The following STX17 variants were observed in gnomAD, a reference collection of about 807,000 sequenced individuals.
STX17 encodes syntaxin-17.
A neutral mutation model predicts 35.9 loss-of-function variants in STX17; 29 were observed. That is an observed-to-expected ratio of 0.81 (90% CI 0.60 to 1.10). The LOEUF (loss-of-function observed/expected upper bound fraction) is 1.10. Among genes scored for constraint, STX17 ranks in the 50% least tolerant of loss-of-function variants. STX17 has a pLI of 0.00. For missense variants in STX17, 312 were observed against 352.3 expected, an observed-to-expected ratio of 0.89 and a Z score of 0.92; for synonymous variants, 92 against 118.3, an observed-to-expected ratio of 0.78 and a Z score of 1.44.
chr9:99,929,827 G>C (rs1016463033), intron 3 of STX17: 4 of 150,484 alleles, frequency 2.7e-5, no homozygotes, highest in African/African-American at 4.9e-5. Flanking sequence ...TAGTTGTCTG[G>C]CTTTCTGTGT....
At chr9:99,924,744 C>T (rs1044830247) in intron 2 of STX17, among the ~76,000 whole-genome samples, 5 of 152,140 alleles carry the variant, frequency 3.3e-5, no homozygotes, top group South Asian at 2.1e-4. Flanking sequence ...CCCACCCACC[C>T]TCTCTCCCTT....
At chr9:99,929,890 G>A (rs1018054910) in intron 3 of STX17, 22 of 146,306 alleles carry the variant, frequency 1.5e-4, no homozygotes, top group African/African-American at 5.2e-4. Context: ...CATGCTGTCA[G>A]TAATATTTCT....
intron 1 of STX17, among the ~76,000 whole-genome samples, chr9:99,910,165 G>A (rs960364389): frequency 1.4e-4 from 21 of 151,974 alleles, no homozygotes; most frequent in African/African-American, 1.9e-4. Flanking sequence ...CCTAAGGGGC[G>A]GAGGTTGCAG....
intron 1 of STX17, among the ~76,000 whole-genome samples, chr9:99,914,828 A>T (rs1373774098): frequency 6.6e-6 from 1 of 152,180 alleles, no homozygotes; most frequent in East Asian, 1.9e-4. Context: ...AGCTTTTTTA[A>T]AAGTATTTAT....
chr9:99,939,649 A>G (rs910374298), intron 3 of STX17, among the ~76,000 whole-genome samples: 1 of 152,094 alleles, frequency 6.6e-6, no homozygotes, highest in Non-Finnish European at 1.5e-5. Context: ...TCTTTTCCCA[A>G]TCTGTTCTTC....
intron 7 of STX17, 133 bp downstream of exon 7, chr9:99,967,872 AG>A: frequency 1.4e-6 from 1 of 713,088 alleles, no homozygotes; most frequent in South Asian, 1.7e-5. Context: ...AATGACACAT[AG>A]GTAGTGTAAG....
chr9:99,953,017 T>A lies in STX17; in HGVS notation c.415+1732T>A, dbSNP rs533494167. ...CATTGTGCACATGTACCCTAGAACT[T>A]AAAGTATAATAACAATAAAATAAAA... On this transcript the variant is annotated intron_variant, in intron 4 of 7. Transcript: ENST00000259400. Among the ~76,000 whole-genome samples the A allele has an allele frequency of 3.8e-4, 57 of 151,912 alleles. 1 individual carries two copies. The South Asian group carries it at 0.011, about 30-fold the overall frequency.
chr9:99,911,772 T>A (rs939491377), intron 1 of STX17, among the ~76,000 whole-genome samples: 1 of 152,138 alleles, frequency 6.6e-6, no homozygotes, highest in Non-Finnish European at 1.5e-5. Context: ...AAGAAGGATC[T>A]TGCTATGTTG....
intron 6 of STX17, 31 bp from the exon 7 acceptor site, chr9:99,967,622 G>T: frequency 6.2e-7 from 1 of 1,604,938 alleles, no homozygotes; most frequent in Non-Finnish European, 8.5e-7. Flanking sequence ...TCCCCAGCAG[G>T]ACCGCTCACT....
intron 2 of STX17, among the ~76,000 whole-genome samples, chr9:99,920,938 A>G (rs1046975641): frequency 2.6e-5 from 4 of 152,214 alleles, no homozygotes; most frequent in African/African-American, 9.6e-5. Flanking sequence ...TCCACTTGAA[A>G]TAGGAATCTC....
chr9:99,925,285 T>A (rs1000837253), intron 2 of STX17, among the ~76,000 whole-genome samples: 1 of 152,114 alleles, frequency 6.6e-6, no homozygotes, highest in East Asian at 1.9e-4. Context: ...TCTCTTAGGG[T>A]CTTTTTGCTG....
chr9:99,928,850 C>A lies in STX17; in HGVS notation c.189+7C>A. On this transcript the variant is annotated splice_region_variant and intron_variant, in intron 3 of 7. Transcript: ENST00000259400. ...TGCAGGACGTACAGTTCAGGTAAGG[C>A]TATTATATTTTTTCTGCTAAATCAG... is the stretch of plus-strand genomic sequence containing the variant. 6.2e-7 allele frequency: 1 copy of A among 1,611,766 alleles called. No individual in the cohort carries two copies. The highest frequency in any genetic ancestry group is 8.5e-7 in the Non-Finnish European group (1 of 1,178,608).
chr9:99,907,091 T>G (rs1478282563), intron 1 of STX17: 1 of 152,380 alleles, frequency 6.6e-6, no homozygotes, highest in Non-Finnish European at 1.5e-5. Context: ...TTGGTGTGTG[T>G]GGCCCAGGTG....
intron 3 of STX17, among the ~76,000 whole-genome samples, chr9:99,930,758 C>A (rs1021912876): frequency 6.6e-6 from 1 of 152,068 alleles, no homozygotes; most frequent in African/African-American, 2.4e-5. Flanking sequence ...TTGGAGTAAT[C>A]TTGCAGTAGC....
intron 3 of STX17, among the ~76,000 whole-genome samples, chr9:99,944,794 G>A (rs1181576584): frequency 1.3e-5 from 2 of 152,056 alleles, no homozygotes; most frequent in African/African-American, 2.4e-5. Flanking sequence ...AGGATTACAG[G>A]CATGAGCCAC....
chr9:99,919,821 G>A (rs1489441395), intron 2 of STX17, among the ~76,000 whole-genome samples: 1 of 152,052 alleles, frequency 6.6e-6, no homozygotes, highest in Non-Finnish European at 1.5e-5. Flanking sequence ...GTCCAGTTAA[G>A]GAAATAAGAT....
rs769998312 is a variant in STX17, at chr9:99,967,633, C to T, written c.583-20C>T. Reference sequence around the variant, plus strand: ...CTGCTCCCCAGCAGGACCGCTCACTCATAATTCCTTTGCATCTAGTCTCAG... The same window carrying T: ...CTGCTCCCCAGCAGGACCGCTCACTTATAATTCCTTTGCATCTAGTCTCAG... On this transcript the variant is annotated intron_variant, in intron 6 of 7. Transcript: ENST00000259400. 6.2e-6 allele frequency: 10 copies of T among 1,611,506 alleles called. No homozygotes were observed. The highest frequency in any genetic ancestry group is 8.5e-6 in the Non-Finnish European group (10 of 1,178,070).
intron 2 of STX17, chr9:99,916,183 A>C (rs1001914308): frequency 2.6e-5 from 11 of 419,408 alleles, no homozygotes; most frequent in Non-Finnish European, 3.8e-5. Context: ...GGAGAAGATG[A>C]ATTAGTCTCA....
intron 2 of STX17, among the ~76,000 whole-genome samples, chr9:99,916,407 A>G (rs1311392802): frequency 9.2e-6 from 1 of 108,906 alleles, no homozygotes; most frequent in South Asian, 2.7e-4. Flanking sequence ...TTATTTATTT[A>G]TTTATTTATT....
Sources: allele counts gnomAD v4.1 joint callset (sites outside exome capture counted in the v4.1 genomes callset), GRCh38; gene constraint gnomAD v4.1.1; transcripts MANE v1.5; gene names NCBI Gene and HGNC (gene_info 2026-07-23, HGNC 2026-07-21).